The following C3orf20 variants were observed in gnomAD, a reference collection of about 807,000 sequenced individuals.
C3orf20 encodes uncharacterized protein C3orf20.
Under a neutral mutation model 88.3 loss-of-function variants are expected in C3orf20, and 76 were observed. That is an observed-to-expected ratio of 0.86 (90% CI 0.72 to 1.04). The LOEUF is 1.04. C3orf20 is among the 50% of genes least tolerant of loss of function. The pLI, the probability that C3orf20 is intolerant of heterozygous loss-of-function variation, is 0.00. For missense variants in C3orf20, 1,056 were observed against 1,123.3 expected (o/e 0.94, Z 0.86); for synonymous variants, 436 against 437.4 (o/e 1.00, Z 0.04).
intron 1 of C3orf20, among the ~76,000 whole-genome samples, chr3:14,679,999 G>A (rs1256063787): frequency 6.6e-6 from 1 of 152,162 alleles, no homozygotes; most frequent in Non-Finnish European, 1.5e-5. Context: ...TAGCACTAGA[G>A]TCAAAAAGGC....
chr3:14,752,117 C>T (rs2035236827), intron 12 of C3orf20, among the ~76,000 whole-genome samples: 1 of 152,180 alleles, frequency 6.6e-6, no homozygotes, highest in African/African-American at 2.4e-5. Context: ...CAGCATGGTA[C>T]TGGTACCAAA....
At chr3:14,743,591 C>T (rs1368815534) in intron 12 of C3orf20, among the ~76,000 whole-genome samples, 1 of 152,016 alleles carries the variant, frequency 6.6e-6, no homozygotes, top group Non-Finnish European at 1.5e-5. Context: ...GGGCTCTGAC[C>T]CCACATTTCC....
chr3:14,758,944 A>G (rs1395817822), intron 13 of C3orf20, among the ~76,000 whole-genome samples: 1 of 152,244 alleles, frequency 6.6e-6, no homozygotes, highest in Non-Finnish European at 1.5e-5. Flanking sequence ...AGAGACAGAT[A>G]AAATCCCTGC....
At chr3:14,764,793 C>T (rs1559449507) in intron 15 of C3orf20, among the ~76,000 whole-genome samples, 1 of 152,132 alleles carries the variant, frequency 6.6e-6, no homozygotes, top group African/African-American at 2.4e-5. Flanking sequence ...AAAGGGCCAG[C>T]GAGAAGCTGT....
intron 5 of C3orf20, among the ~76,000 whole-genome samples, chr3:14,692,837 G>A (rs2032800052): frequency 2.0e-5 from 3 of 152,086 alleles, no homozygotes; most frequent in Admixed American, 6.6e-5. Flanking sequence ...TTCCCCTAAT[G>A]TTTTCTATTA....
At chr3:14,702,907 T>G (rs1310340521) in intron 5 of C3orf20, among the ~76,000 whole-genome samples, 1 of 151,904 alleles carries the variant, frequency 6.6e-6, no homozygotes, top group Non-Finnish European at 1.5e-5. Context: ...CTAGATACAG[T>G]GGGGGTACAG....
chr3:14,735,675 C>T (rs1018217708), intron 12 of C3orf20, among the ~76,000 whole-genome samples: 1 of 151,918 alleles, frequency 6.6e-6, no homozygotes, highest in Non-Finnish European at 1.5e-5. Flanking sequence ...CTCACTGCAA[C>T]CTCCACCTCC....
Position 14,745,948 on chromosome 3 carries a change from T to A in C3orf20, c.1941-11423T>A, listed in dbSNP as rs550032381. On this transcript the variant is annotated intron_variant, in intron 12 of 16. Transcript: ENST00000253697. Reference sequence around the variant, plus strand: ...CCACTATTTAATTCCAGAACTTTTTTAAATCACCCCAAAAGGAAACTTTGT... The same window carrying A: ...CCACTATTTAATTCCAGAACTTTTTAAAATCACCCCAAAAGGAAACTTTGT... Among the ~76,000 whole-genome samples the A allele has an allele frequency of 2.9e-4, 44 of 152,316 alleles. No individual in the cohort carries two copies. In the East Asian group the frequency reaches 4.2e-3, roughly 15 times the overall value.
At chr3:14,699,413 T>A (rs2033151101) in intron 5 of C3orf20, among the ~76,000 whole-genome samples, 1 of 152,230 alleles carries the variant, frequency 6.6e-6, no homozygotes, top group Non-Finnish European at 1.5e-5. Flanking sequence ...CACAGCCTAC[T>A]ACCTGGGTAT....
rs377510018 is a variant in C3orf20, at chr3:14,697,066, A to G, written c.746-6064A>G. ...GACAATTGGAGCTCCATTGTATGTT[A>G]TTTGTTTCTTTTCTCTTGCTGCTTT... On this transcript the variant is annotated intron_variant, in intron 5 of 16. Coordinates refer to ENST00000253697, the MANE Select transcript of C3orf20 (RefSeq NM_032137.5). Among the ~76,000 whole-genome samples, 27 of 151,998 alleles carry G rather than the reference A, an allele frequency of 1.8e-4. No homozygotes were observed. In the South Asian group the frequency reaches 2.7e-3, roughly 15 times the overall value.
At chr3:14,727,348 C>T (rs4312639) in intron 11 of C3orf20, among the ~76,000 whole-genome samples, 39,284 of 152,002 alleles carry the variant, frequency 0.26, 5,243 homozygotes, top group South Asian at 0.37. Context: ...TTGTTCCCCA[C>T]CCCACATCTA....
chr3:14,710,599 C>A (rs559123561), intron 7 of C3orf20, among the ~76,000 whole-genome samples: 5 of 152,098 alleles, frequency 3.3e-5, no homozygotes, highest in Admixed American at 3.3e-4. Flanking sequence ...TTTCTTTATC[C>A]ACCTGTTGTT....
chr3:14,688,125 AAAG>A (rs1400846350), intron 4 of C3orf20, among the ~76,000 whole-genome samples: 2 of 152,226 alleles, frequency 1.3e-5, no homozygotes, highest in Non-Finnish European at 2.9e-5. Flanking sequence ...GGGGCATAAA[AAAG>A]AAGATTCAAA....
Position 14,701,552 on chromosome 3 carries a change from G to A in C3orf20, c.746-1578G>A, listed in dbSNP as rs534403361. ...CTGACACCTATCATGGAGGACAGCTGTGAAAATTAGTATCACAGGCACAGA... is the reference window on the plus strand; with the variant it reads ...CTGACACCTATCATGGAGGACAGCTATGAAAATTAGTATCACAGGCACAGA... On this transcript the variant is annotated intron_variant, in intron 5 of 16. Coordinates refer to ENST00000253697, the MANE Select transcript of C3orf20 (RefSeq NM_032137.5). This position sits in a 1 kb window ranked among gnomAD's most constrained non-coding sequence, Gnocchi z 4.6. Among the ~76,000 whole-genome samples the A allele has an allele frequency of 1.3e-5, 2 of 152,264 alleles. No individual in the cohort carries two copies. Among genetic ancestry groups the A allele is most frequent in the East Asian group, 3.9e-4 (2 of 5,176 alleles).
intron 13 of C3orf20, among the ~76,000 whole-genome samples, chr3:14,758,600 G>A (rs1575159171): frequency 1.3e-5 from 2 of 152,180 alleles, no homozygotes; most frequent in East Asian, 1.9e-4. Flanking sequence ...TTGCCCTCCT[G>A]TCTCCTAGAA....
At chr3:14,686,028 AT>A (rs1454738396) in intron 4 of C3orf20, among the ~76,000 whole-genome samples, 1 of 151,856 alleles carries the variant, frequency 6.6e-6, no homozygotes, top group Non-Finnish European at 1.5e-5. Context: ...TGCTCGGCTC[AT>A]TTTTGTATTT....
chr3:14,758,618 T>C (rs765655837), intron 13 of C3orf20, among the ~76,000 whole-genome samples: 5 of 152,192 alleles, frequency 3.3e-5, no homozygotes, highest in Non-Finnish European at 7.3e-5. Context: ...GAATCCGCTG[T>C]CTTTGCCCAT....
chr3:14,760,956 G>A lies in C3orf20; in HGVS notation c.2353-517G>A, dbSNP rs144664484. ...TTTTTTTGCCATAACAAATAATGCC[G>A]TCATGAATATTTTTGCACAGAAATA... On this transcript the variant is annotated intron_variant, in intron 14 of 16. Transcript: ENST00000253697. Among the ~76,000 whole-genome samples, 513 of 152,138 alleles carry A rather than the reference G, an allele frequency of 3.4e-3. 3 individuals carry two copies. Among genetic ancestry groups the A allele is most frequent in the African/African-American group, 0.012 (482 of 41,526 alleles).
intron 4 of C3orf20, among the ~76,000 whole-genome samples, chr3:14,687,107 A>G (rs2032476985): frequency 6.6e-6 from 1 of 152,242 alleles, no homozygotes. Context: ...TCATGACTCC[A>G]TGGAGAGAAA....
Sources: allele counts gnomAD v4.1 joint callset (sites outside exome capture counted in the v4.1 genomes callset), GRCh38; gene constraint gnomAD v4.1.1; non-coding constraint Gnocchi (gnomAD v3.1); transcripts MANE v1.5; gene names NCBI Gene and HGNC (gene_info 2026-07-23, HGNC 2026-07-21).